Variants in DAG1 observed in about 807,000 individuals in gnomAD.
DAG1 encodes the protein dystroglycan 1, also known as dystroglycan 1 (dystrophin-associated glycoprotein 1).
A neutral mutation model predicts 46.1 loss-of-function variants in DAG1; 8 were observed. The observed-to-expected ratio is 0.17, with a 90% CI of 0.10 to 0.31. The LOEUF (loss-of-function observed/expected upper bound fraction) is 0.31, where lower values mean the gene tolerates loss of function less well. DAG1 is among the 10% of genes least tolerant of loss of function. DAG1 has a pLI of 1.00. For missense variants in DAG1, 1,003 were observed against 1,189.9 expected, an observed-to-expected ratio of 0.84 and a Z score of 2.31; for synonymous variants, 495 against 481.8, an observed-to-expected ratio of 1.03 and a Z score of -0.36.
At chr3:49,479,461 C>T (rs2106964194) in intron 1 of DAG1, among the ~76,000 whole-genome samples, 1 of 150,862 alleles carries the variant, frequency 6.6e-6, no homozygotes, top group East Asian at 2.0e-4. Flanking sequence ...AAGTGCGTGC[C>T]ACCACACCCA....
chr3:49,483,747 T>C (rs1193515017), intron 1 of DAG1, among the ~76,000 whole-genome samples: 2 of 152,190 alleles, frequency 1.3e-5, no homozygotes, highest in African/African-American at 4.8e-5. Flanking sequence ...TAATCATAGC[T>C]CACTTCAGTC....
At chr3:49,506,600 A>C (rs1186040548) in intron 1 of DAG1, among the ~76,000 whole-genome samples, 1 of 152,126 alleles carries the variant, frequency 6.6e-6, no homozygotes. Context: ...TTAATTTTCA[A>C]ATATTGAGCT....
chr3:49,484,515 C>T (rs1022150626), intron 1 of DAG1, among the ~76,000 whole-genome samples: 1 of 152,138 alleles, frequency 6.6e-6, no homozygotes. Context: ...CCTTTTGATT[C>T]TAATAGCTGA....
At position 49,533,105 on chromosome 3, in the gene DAG1, C is replaced by T; in HGVS notation, c.2594C>T (p.Pro865Leu). The change falls in exon 3 of 3, where the codon CCC becomes CTC. Residue 865 changes from proline to leucine, a missense_variant. Pro to Leu is a moderately conservative substitution (Grantham distance 98). This residue lies in a region of DAG1 where 755 missense variants were observed against 854.1 expected (regional missense o/e 0.88). Transcript: ENST00000308775. ...DEDPNAPPYQ[P>L]PPPFTAPMEG... ...GATCCCAATGCGCCTCCCTACCAGC[C>T]CCCACCGCCCTTCACAGCACCCATG... 1.2e-6 allele frequency: 2 copies of T among 1,614,174 alleles called. No individual in the cohort carries two copies. Among genetic ancestry groups the T allele is most frequent in the South Asian group, 1.1e-5 (1 of 91,090 alleles).
chr3:49,494,346 A>G (rs2050257262), intron 1 of DAG1, among the ~76,000 whole-genome samples: 1 of 192 alleles, frequency 5.2e-3, no homozygotes, highest in South Asian at 0.1. Flanking sequence ...GGCCTTTATT[A>G]CAGGGGCTGC....
chr3:49,512,352 G>A (rs936703471), intron 2 of DAG1, among the ~76,000 whole-genome samples: 4 of 151,376 alleles, frequency 2.6e-5, no homozygotes, highest in Non-Finnish European at 4.4e-5. Context: ...ACAGGCGCAC[G>A]TCACCACGCC....
At chr3:49,530,503 C>T (rs1319703001) in intron 2 of DAG1, among the ~76,000 whole-genome samples, 2 of 152,196 alleles carry the variant, frequency 1.3e-5, no homozygotes, top group Non-Finnish European at 1.5e-5. Context: ...TCGTGAGCTC[C>T]ATGGCATCAG....
intron 1 of DAG1, among the ~76,000 whole-genome samples, chr3:49,484,666 A>G (rs2049972568): frequency 6.6e-6 from 1 of 152,098 alleles, no homozygotes; most frequent in Non-Finnish European, 1.5e-5. Context: ...TCCAGGAAGA[A>G]TGGGGTCCAT....
rs149082983 is a variant in DAG1, at chr3:49,500,670, T to C, written c.-116-9749T>C. The stretch of plus-strand genomic sequence containing the variant: ...CTACTCTCTTTTAGAGGATATAATG[T>C]GAATGAGTGTGAGGTGTTAAATTGG... On this transcript the variant is annotated intron_variant, in intron 1 of 2. Coordinates refer to ENST00000308775, the MANE Select transcript of DAG1 (RefSeq NM_004393.6). Among the ~76,000 whole-genome samples the C allele has an allele frequency of 9.8e-5, 15 of 152,300 alleles. No homozygotes were observed. In the East Asian group the frequency reaches 2.9e-3, roughly 29 times the overall value.
Position 49,533,650 on chromosome 3 carries a change from G to A in DAG1, c.*451G>A, listed in dbSNP as rs1381036165. ...TGTAACATGGAAAACAGTAACTAAA[G>A]ATTAAATTCAAAGGACTTTCAGAAG... On this transcript the variant is annotated 3_prime_UTR_variant, in exon 3 of 3. Coordinates refer to ENST00000308775, the MANE Select transcript of DAG1 (RefSeq NM_004393.6). The A allele has an allele frequency of 2.3e-5, 7 of 309,080 alleles. No homozygotes were observed. The highest frequency in any genetic ancestry group is 4.4e-5 in the Non-Finnish European group (7 of 159,000). The allele number at this position is 309,080 out of a possible 1,614,324, so 19.1% of individuals were successfully genotyped here.
intron 2 of DAG1, among the ~76,000 whole-genome samples, chr3:49,520,317 G>A (rs1433193235): frequency 2.0e-5 from 3 of 152,244 alleles, no homozygotes; most frequent in Admixed American, 6.5e-5. Context: ...TCAGCACCAA[G>A]GCTGATACTC....
rs2050738864 is a variant in DAG1, at chr3:49,510,663, A to G, written c.129A>G (p.Glu43=). 5 of 1,613,910 alleles carry G rather than the reference A, an allele frequency of 3.1e-6. No homozygotes were observed. The South Asian group carries it at 5.5e-5, about 18-fold the overall frequency. The change falls in exon 2 of 3, where the codon GAA becomes GAG. Residue 43 remains glutamate, a synonymous_variant. Transcript: ENST00000308775. ...SEPSEAVRDW[E]NQLEASMHSV... is the part of the protein sequence containing the mutation. ...CCTCAGAGGCTGTCAGGGACTGGGAAAACCAGCTTGAGGCATCCATGCACT... is the reference window on the plus strand; with the variant it reads ...CCTCAGAGGCTGTCAGGGACTGGGAGAACCAGCTTGAGGCATCCATGCACT...
chr3:49,471,748 A>C (rs972650126), intron 1 of DAG1, among the ~76,000 whole-genome samples: 3 of 152,206 alleles, frequency 2.0e-5, no homozygotes, highest in African/African-American at 7.2e-5. Context: ...TATTCATTTG[A>C]ACAAATATTT....
intron 1 of DAG1, among the ~76,000 whole-genome samples, chr3:49,477,449 G>A (rs971483470): frequency 6.6e-6 from 1 of 152,122 alleles, no homozygotes; most frequent in African/African-American, 2.4e-5. Context: ...ATGTCACCAT[G>A]CCCGGCTAAT....
chr3:49,487,738 C>T (rs1274309767), intron 1 of DAG1, among the ~76,000 whole-genome samples: 2 of 133,744 alleles, frequency 1.5e-5, no homozygotes, highest in African/African-American at 2.9e-5. Context: ...CGTGCTCTGT[C>T]ACCCAGGCTG....
intron 1 of DAG1, among the ~76,000 whole-genome samples, chr3:49,503,241 C>G (rs767165686): frequency 2.0e-5 from 3 of 152,156 alleles, no homozygotes. Flanking sequence ...AGTGGTGTCA[C>G]ATTGGAACAT....
At chr3:49,530,597 G>A (rs1361249566) in intron 2 of DAG1, among the ~76,000 whole-genome samples, 200 bp from the exon 3 acceptor site, 1 of 152,196 alleles carries the variant, frequency 6.6e-6, no homozygotes, top group African/African-American at 2.4e-5. Flanking sequence ...TGCCTCCCAA[G>A]TTAGCCCATC....
intron 1 of DAG1, among the ~76,000 whole-genome samples, chr3:49,496,679 T>TC (rs2050321021): frequency 6.6e-6 from 1 of 151,726 alleles, no homozygotes; most frequent in Non-Finnish European, 1.5e-5. Context: ...TTTTCTTTTT[T>TC]TTTTTGGCAC....
At chr3:49,480,339 G>C (rs1369890656) in intron 1 of DAG1, among the ~76,000 whole-genome samples, 1 of 147,034 alleles carries the variant, frequency 6.8e-6, no homozygotes, top group Non-Finnish European at 1.5e-5. Context: ...GCAGTGGCGC[G>C]ATCTCGGCTC....
Sources: allele counts gnomAD v4.1 joint callset (sites outside exome capture counted in the v4.1 genomes callset), GRCh38; gene constraint gnomAD v4.1.1; regional missense constraint gnomAD v4.1.1; transcripts MANE v1.5; gene names NCBI Gene and HGNC (gene_info 2026-07-23, HGNC 2026-07-21).